Variants in TFAP2E observed in about 807,000 individuals in gnomAD.
TFAP2E encodes transcription factor AP-2 epsilon, also known as transcription factor AP-2-epsilon.
Under a neutral mutation model 37.9 loss-of-function variants are expected in TFAP2E, and 30 were observed. The ratio of observed to expected loss-of-function variants is 0.79; its 90% CI spans 0.59 to 1.07. TFAP2E has a LOEUF of 1.07. Ranked by LOEUF, TFAP2E falls within the 50% of genes least tolerant of loss-of-function variation. The pLI is 0.00. For missense variants in TFAP2E, 567 were observed against 637.9 expected (o/e 0.89, Z 1.20); for synonymous variants, 318 against 295.8 (o/e 1.08, Z -0.77).
intron 3 of TFAP2E, among the ~76,000 whole-genome samples, chr1:35,575,767 C>T (rs183537651): frequency 1.3e-5 from 2 of 152,268 alleles, no homozygotes; most frequent in Non-Finnish European, 2.9e-5. Flanking sequence ...TCTGTTGTGT[C>T]CTGCACTTTG....
rs145119239 is a variant in TFAP2E, at chr1:35,594,434, C to T, written c.1087C>T (p.Arg363Cys). 3.9e-3 allele frequency: 6,228 copies of T among 1,614,118 alleles called. 17 individuals carry two copies. The highest frequency in any genetic ancestry group is 4.6e-3 in the Non-Finnish European group (5,405 of 1,180,036). The change falls in exon 7 of 7, where the codon CGC becomes TGC. Residue 363 changes from arginine (R) to cysteine (C), a missense_variant. This residue lies in a region of TFAP2E where 252 missense variants were observed against 302.6 expected (regional missense o/e 0.83). Coordinates refer to ENST00000373235, the MANE Select transcript of TFAP2E (RefSeq NM_178548.4). ...KEFADLMAQD[R>C]SPLGNSRPAL... The stretch of plus-strand genomic sequence containing the variant: ...GTTTGCAGACTTGATGGCTCAGGAC[C>T]GCTCACCGCTGGGCAACAGCCGCCC...
Position 35,577,204 on chromosome 1 carries a change from C to G in TFAP2E, c.562+2204C>G, listed in dbSNP as rs1361283308. 5.5e-6 allele frequency: 2 copies of G among 364,468 alleles called. No homozygotes were observed. The highest frequency in any genetic ancestry group is 3.5e-5 in the Admixed American group (1 of 28,302). 22.6% of individuals were successfully genotyped at this position (364,468 alleles called of 1,614,324 possible). A position where few individuals can be genotyped will look rare whatever the true frequency, so the allele number is the denominator to read the frequency against. On this transcript the variant is annotated intron_variant, in intron 3 of 6. Coordinates refer to ENST00000373235, the MANE Select transcript of TFAP2E (RefSeq NM_178548.4). This position sits in a 1 kb window ranked among gnomAD's most constrained non-coding sequence, Gnocchi z 6.3. ...CACAGTTGGATCCGGAGGTCGTGAC[C>G]CAGGGGAAAGCGTGGGCGGTCGACC...
At chr1:35,576,574 C>T (rs1649177596) in intron 3 of TFAP2E, among the ~76,000 whole-genome samples, 1 of 152,076 alleles carries the variant, frequency 6.6e-6, no homozygotes, top group South Asian at 2.1e-4. Context: ...TCACTGACTC[C>T]CTGAGAAAGA....
chr1:35,589,259 G>C (rs1649583526), intron 4 of TFAP2E, among the ~76,000 whole-genome samples: 1 of 134,882 alleles, frequency 7.4e-6, no homozygotes, highest in Non-Finnish European at 1.6e-5. Flanking sequence ...TCTGGAGCTA[G>C]TCATATGGAT....
At position 35,577,234 on chromosome 1, in the gene TFAP2E, G is replaced by A; in HGVS notation, c.562+2234G>A. The A allele has an allele frequency of 2.5e-6, 1 of 393,170 alleles. No homozygotes were observed. The highest frequency in any genetic ancestry group is 1.8e-5 in the South Asian group (1 of 54,886). The allele number at this position is 393,170 out of a possible 1,614,324, so 24.4% of individuals were successfully genotyped here. On this transcript the variant is annotated intron_variant, in intron 3 of 6. Transcript: ENST00000373235. The surrounding 1 kb of genome is among the most constrained non-coding windows in gnomAD (Gnocchi z 6.3). ...GGAAAGCGTGGGCGGTCGACCCAGG[G>A]CAGCTGCGGCGGCGAGGCAGGTGGG...
chr1:35,587,827 G>T (rs1649527971), intron 3 of TFAP2E, among the ~76,000 whole-genome samples: 1 of 152,004 alleles, frequency 6.6e-6, no homozygotes, highest in African/African-American at 2.4e-5. Flanking sequence ...GCATTAACAG[G>T]GCAATAACCT....
At chr1:35,578,461 G>C (rs1050906248) in intron 3 of TFAP2E, among the ~76,000 whole-genome samples, 1 of 152,072 alleles carries the variant, frequency 6.6e-6, no homozygotes, top group African/African-American at 2.4e-5. Context: ...ACCGTGTGTG[G>C]GTTTCAGGTT....
At chr1:35,586,315 C>T (rs910517213) in intron 3 of TFAP2E, among the ~76,000 whole-genome samples, 2 of 152,308 alleles carry the variant, frequency 1.3e-5, no homozygotes, top group Non-Finnish European at 2.9e-5. Context: ...ACTTTCAGCA[C>T]CTGGCACTCA....
In TFAP2E at chr1:35,574,902, C is replaced by A. The variant is rs374256087; in HGVS notation, c.511-47C>A. 26 of 1,612,890 alleles carry A rather than the reference C, an allele frequency of 1.6e-5. No homozygotes were observed. In the African/African-American group the frequency reaches 3.2e-4, roughly 20 times the overall value. On this transcript the variant is annotated intron_variant, in intron 2 of 6. Coordinates refer to ENST00000373235, the MANE Select transcript of TFAP2E (RefSeq NM_178548.4). ...TGGCAGGGGCTTGGGAAGACATGGG[C>A]GGCTAGGGCTTTATGCGCCCTCACC...
At chr1:35,574,821 G>T (rs187525267) in intron 2 of TFAP2E, 128 bp from the exon 3 acceptor site, 3 of 1,267,238 alleles carry the variant, frequency 2.4e-6, no homozygotes, top group Non-Finnish European at 3.4e-6. Context: ...GGGCCTGCCC[G>T]TCGCCGCCCC....
chr1:35,581,183 A>C (rs1318621348), intron 3 of TFAP2E, among the ~76,000 whole-genome samples: 1 of 152,226 alleles, frequency 6.6e-6, no homozygotes, highest in African/African-American at 2.4e-5. Context: ...CCCAAACATT[A>C]TGCTAAGTAA....
intron 3 of TFAP2E, among the ~76,000 whole-genome samples, chr1:35,576,178 T>C (rs1649165091): frequency 6.6e-6 from 1 of 152,056 alleles, no homozygotes; most frequent in South Asian, 2.1e-4. Flanking sequence ...AAGGTGGAAG[T>C]GGTGGTAGCA....
rs111844429 is a variant in TFAP2E at position 35,590,156 on chromosome 1, C to T, written c.904+108C>T. On this transcript the variant is annotated intron_variant, in intron 5 of 6. Transcript: ENST00000373235. The surrounding 1 kb of genome is among the most constrained non-coding windows in gnomAD (Gnocchi z 6.2). Reference sequence around the variant, plus strand: ...GTGTGTTTAGTGGTGTGTGTGTATCCGTGTAAGTGTTGCAGTATCTGTGTG... The same window carrying T: ...GTGTGTTTAGTGGTGTGTGTGTATCTGTGTAAGTGTTGCAGTATCTGTGTG... The T allele has an allele frequency of 9.8e-3, 9,951 of 1,016,404 alleles. 273 individuals are homozygous for T. Among genetic ancestry groups the T allele is most frequent in the African/African-American group, 0.055 (3,484 of 63,168 alleles). 63.0% of individuals were successfully genotyped at this position (1,016,404 alleles called of 1,614,324 possible).
Position 35,590,492 on chromosome 1 carries a change from C to CTTTTT in TFAP2E, c.905-141_905-140insTTTTT. ...TGGGGCAATGGAATGGGGGCTGGAG[C>CTTTTT]TGGGCTGGGAAGGAACATCAGAGGG... On this transcript the variant is annotated intron_variant, in intron 5 of 6. Coordinates refer to ENST00000373235, the MANE Select transcript of TFAP2E (RefSeq NM_178548.4). The surrounding 1 kb of genome is among the most constrained non-coding windows in gnomAD (Gnocchi z 6.2). The CTTTTT allele has an allele frequency of 1.9e-6, 2 of 1,064,150 alleles. No homozygotes were observed. The highest frequency in any genetic ancestry group is 5.2e-5 in the South Asian group (2 of 38,362). The allele number at this position is 1,064,150 out of a possible 1,614,324, so 65.9% of individuals were successfully genotyped here. A position where few individuals can be genotyped will look rare whatever the true frequency, so the allele number is the denominator to read the frequency against.
rs576195759 is a variant in TFAP2E, at chr1:35,592,963, C to T, written c.1047-1431C>T. Among the ~76,000 whole-genome samples the T allele has an allele frequency of 1.5e-4, 23 of 152,220 alleles. No homozygotes were observed. In the East Asian group the frequency reaches 1.7e-3, roughly 11 times the overall value. On this transcript the variant is annotated intron_variant, in intron 6 of 6. Coordinates refer to ENST00000373235, the MANE Select transcript of TFAP2E (RefSeq NM_178548.4). The stretch of plus-strand genomic sequence containing the variant: ...CCTAGTGGGGTAGAATTTCAACATA[C>T]GAATTTTGGGGAACATAAGCATTCA...
intron 3 of TFAP2E, among the ~76,000 whole-genome samples, chr1:35,586,782 G>C (rs892511924): frequency 2.0e-5 from 3 of 152,144 alleles, no homozygotes; most frequent in Non-Finnish European, 4.4e-5. Context: ...TTTATCCAGA[G>C]AGGGAGAGAC....
chr1:35,588,578 C>G lies in TFAP2E; in HGVS notation c.785+26C>G, dbSNP rs749653789. On this transcript the variant is annotated intron_variant, in intron 4 of 6. Coordinates refer to ENST00000373235, the MANE Select transcript of TFAP2E (RefSeq NM_178548.4). This position sits in a 1 kb window ranked among gnomAD's most constrained non-coding sequence, Gnocchi z 5.1. The stretch of plus-strand genomic sequence containing the variant: ...GTAGGAAGGCCAGCCCACAATTCCC[C>G]GCCTGATTGGATCCCTGGCCTCTTC... 6.5e-7 allele frequency: 1 copy of G among 1,545,040 alleles called. No individual in the cohort carries two copies. Among genetic ancestry groups the G allele is most frequent in the Admixed American group, 1.8e-5 (1 of 55,914 alleles).
At position 35,574,253 on chromosome 1, in the gene TFAP2E, A is replaced by G. The variant is rs541962143; in HGVS notation, c.354A>G (p.Ala118=). The G allele has an allele frequency of 5.3e-5, 69 of 1,312,128 alleles. No individual in the cohort carries two copies. The highest frequency in any genetic ancestry group is 6.7e-5 in the Non-Finnish European group (69 of 1,025,396). The allele number at this position is 1,312,128 out of a possible 1,614,324, so 81.3% of individuals were successfully genotyped here. ...RAHEEPPGLL[A]PPARALGLDP... is the part of the protein sequence containing the mutation. The stretch of plus-strand genomic sequence containing the variant: ...ACGAGGAGCCTCCCGGCCTGCTGGC[A>G]CCGCCCGCCCGCGCCCTGGGCCTTG... Residue 118 remains alanine, a synonymous_variant, in exon 2 of 7, where the codon GCA becomes GCG. Coordinates refer to ENST00000373235, the MANE Select transcript of TFAP2E (RefSeq NM_178548.4).
intron 6 of TFAP2E, among the ~76,000 whole-genome samples, chr1:35,591,109 T>C (rs527581640): frequency 1.3e-5 from 2 of 152,226 alleles, no homozygotes; most frequent in South Asian, 2.1e-4. Context: ...CTGCTTAGGC[T>C]TTCCTGGGCA....
Sources: allele counts gnomAD v4.1 joint callset (sites outside exome capture counted in the v4.1 genomes callset), GRCh38; gene constraint gnomAD v4.1.1; regional missense constraint gnomAD v4.1.1; non-coding constraint Gnocchi (gnomAD v3.1); transcripts MANE v1.5; gene names NCBI Gene and HGNC (gene_info 2026-07-23, HGNC 2026-07-21).